Variants in RNF115 observed in about 807,000 individuals in gnomAD.
RNF115 encodes E3 ubiquitin-protein ligase RNF115.
In RNF115, 31 loss-of-function variants were observed where a neutral mutation model predicts 39.2. The ratio of observed to expected loss-of-function variants is 0.79; its 90% CI spans 0.59 to 1.07. The LOEUF (loss-of-function observed/expected upper bound fraction) is 1.07. RNF115 is among the 50% of genes least tolerant of loss of function. The probability of loss-of-function intolerance (pLI) is 0.00; values close to 1 mark genes in which losing one functional copy is unlikely to be tolerated. For synonymous variants in RNF115, 124 were observed against 131.0 expected, an observed-to-expected ratio of 0.95 and a Z score of 0.37; for missense variants, 384 against 381.7, an observed-to-expected ratio of 1.01 and a Z score of -0.05.
At chr1:145,784,688 C>T in intron 2 of RNF115, 92 bp from the exon 3 acceptor site, 1 of 1,083,644 alleles carries the variant, frequency 9.2e-7, no homozygotes, top group Admixed American at 1.9e-5. Flanking sequence ...GAGAACAAAG[C>T]CCAATAAGGA....
intron 2 of RNF115, among the ~76,000 whole-genome samples, chr1:145,787,788 C>G (rs1374418959): frequency 6.6e-6 from 1 of 151,738 alleles, no homozygotes; most frequent in Non-Finnish European, 1.5e-5. Flanking sequence ...ACTGGGCAAG[C>G]TGAGGCCCAA....
rs189542401 is a variant in RNF115 at position 145,807,536 on chromosome 1, C to T, written c.102+16236G>A. Among the ~76,000 whole-genome samples, 26 of 152,264 alleles carry T rather than the reference C, an allele frequency of 1.7e-4. 1 individual carries two copies. The East Asian group carries it at 4.4e-3, about 26-fold the overall frequency. On this transcript the variant is annotated intron_variant, in intron 1 of 8. Coordinates refer to ENST00000582693, the MANE Select transcript of RNF115 (RefSeq NM_014455.4). ...AAATTAAACATTTTTATGATTCTCA[C>T]TTATTAATATTACTTTCAACCACTT...
chr1:145,791,998 T>C (rs369774943), intron 1 of RNF115, among the ~76,000 whole-genome samples: 15 of 151,012 alleles, frequency 9.9e-5, no homozygotes, highest in African/African-American at 3.4e-4. Context: ...GTGGCACAGT[T>C]TTGGCTCACT....
chr1:145,809,345 C>G (rs933660728), intron 1 of RNF115, among the ~76,000 whole-genome samples: 3 of 151,884 alleles, frequency 2.0e-5, no homozygotes, highest in African/African-American at 7.3e-5. Flanking sequence ...TGCCACCACA[C>G]CCAGCTAATT....
chr1:145,784,613 T>A lies in RNF115; in HGVS notation c.162-17A>T, dbSNP rs1207658827. ...CCTAAAAAACTAAAGAGAAAAGGAA[T>A]GAGTGGTGATTCTATTCCCAGGAAC... is the stretch of plus-strand genomic sequence containing the variant. On this transcript the variant is annotated splice_polypyrimidine_tract_variant and intron_variant, in intron 2 of 8. Transcript: ENST00000582693. 7 of 1,611,750 alleles carry A rather than the reference T, an allele frequency of 4.3e-6. No homozygotes were observed. In the Admixed American group the frequency reaches 1.2e-4, roughly 27 times the overall value.
intron 4 of RNF115, among the ~76,000 whole-genome samples, chr1:145,770,260 A>AC (rs1647573860): frequency 6.6e-6 from 1 of 152,216 alleles, no homozygotes; most frequent in Non-Finnish European, 1.5e-5. Flanking sequence ...TATATTAGGA[A>AC]CCAAAAGCAA....
rs1375720824 is a variant in RNF115 at position 145,750,347 on chromosome 1, G to T, written c.667+60C>A. The T allele has an allele frequency of 6.0e-6, 8 of 1,328,664 alleles. No individual in the cohort carries two copies. The Middle Eastern group carries it at 5.5e-4, about 91-fold the overall frequency. The allele number at this position is 1,328,664 out of a possible 1,614,324, so 82.3% of individuals were successfully genotyped here. A position where few individuals can be genotyped will look rare whatever the true frequency, so the allele number is the denominator to read the frequency against. ...TTTTTAAACTTTTCACCTGTCAGAA[G>T]ATACCGGGATTTTGAACCGAGATCA... On this transcript the variant is annotated intron_variant, in intron 7 of 8. Transcript: ENST00000582693.
Position 145,760,120 on chromosome 1 carries a change from C to A in RNF115, c.429-7071G>T, listed in dbSNP as rs1222297109. On this transcript the variant is annotated intron_variant, in intron 4 of 8. Transcript: ENST00000582693. ...CCAACATCTGGCACACAGTAATACA[C>A]AATGTCTGCTGAATAAATTAAGAGA... 3.9e-5 allele frequency among the ~76,000 whole-genome samples: 6 copies of A among 152,148 alleles called. No homozygotes were observed. The East Asian group carries it at 1.2e-3, about 29-fold the overall frequency.
chr1:145,808,431 G>C (rs1292761115), intron 1 of RNF115, among the ~76,000 whole-genome samples: 3 of 152,072 alleles, frequency 2.0e-5, no homozygotes, highest in Non-Finnish European at 4.4e-5. Flanking sequence ...GCATTTCTCT[G>C]ATGATTAGTG....
chr1:145,746,920 A>C lies in RNF115; in HGVS notation c.861T>G (p.Ser287=). 6.2e-7 allele frequency: 1 copy of C among 1,614,144 alleles called. No individual in the cohort carries two copies. Among genetic ancestry groups the C allele is most frequent in the Non-Finnish European group, 8.5e-7 (1 of 1,180,002 alleles). ...TGTCATTGCTAAATCTGTTGCTTGC[A>C]GAGGCCTCAGTGCTCTGGCTTTGCC... ...STRQSQSTEA[S]ASNRFSNDSQ... Residue 287 remains serine, a synonymous_variant, in exon 9 of 9, where the codon TCT becomes TCG. Transcript: ENST00000582693.
At chr1:145,768,876 C>T (rs1023169024) in intron 4 of RNF115, among the ~76,000 whole-genome samples, 4 of 152,212 alleles carry the variant, frequency 2.6e-5, no homozygotes, top group African/African-American at 4.8e-5. Flanking sequence ...TCTAGGCAGG[C>T]CTGCTAGCTG....
Position 145,755,609 on chromosome 1 carries a change from C to T in RNF115, c.429-2560G>A, listed in dbSNP as rs587663491. Among the ~76,000 whole-genome samples, 16 of 152,136 alleles carry T rather than the reference C, an allele frequency of 1.1e-4. No homozygotes were observed. In the South Asian group the frequency reaches 3.1e-3, roughly 30 times the overall value. On this transcript the variant is annotated intron_variant, in intron 4 of 8. Coordinates refer to ENST00000582693, the MANE Select transcript of RNF115 (RefSeq NM_014455.4). ...ATGGCAATAGATAATATACAGATTT[C>T]GATATCTGGATACCGGTGCCGCCAC...
At position 145,771,924 on chromosome 1, in the gene RNF115, TA is replaced by T; in HGVS notation, c.220-6del. On this transcript the variant is annotated splice_polypyrimidine_tract_variant and splice_region_variant and intron_variant, in intron 3 of 8. Coordinates refer to ENST00000582693, the MANE Select transcript of RNF115 (RefSeq NM_014455.4). ...GTGATCCAAATGGCCCCAAAGCTAG[TA>T]AAGACCAGAAATAAGTCACATGTTA... is the stretch of plus-strand genomic sequence containing the variant. The T allele has an allele frequency of 6.2e-7, 1 of 1,610,598 alleles. No homozygotes were observed. Among genetic ancestry groups the T allele is most frequent in the South Asian group, 1.1e-5 (1 of 90,418 alleles).
At chr1:145,814,897 T>C (rs1553723270) in intron 1 of RNF115, among the ~76,000 whole-genome samples, 1 of 152,038 alleles carries the variant, frequency 6.6e-6, no homozygotes, top group Non-Finnish European at 1.5e-5. Context: ...ACTGTAGCCT[T>C]TTAAAGGCGT....
chr1:145,753,619 G>A (rs1382507086), intron 4 of RNF115, among the ~76,000 whole-genome samples: 2 of 152,204 alleles, frequency 1.3e-5, no homozygotes, highest in Non-Finnish European at 2.9e-5. Context: ...TTACACGAAT[G>A]AGTCTTTGTT....
chr1:145,758,862 T>C (rs925764991), intron 4 of RNF115, among the ~76,000 whole-genome samples: 5 of 152,198 alleles, frequency 3.3e-5, no homozygotes, highest in Admixed American at 6.5e-5. Flanking sequence ...CAGAGAACAA[T>C]AGTTGACAGA....
At chr1:145,779,321 T>C (rs1648020334) in intron 3 of RNF115, among the ~76,000 whole-genome samples, 1 of 151,798 alleles carries the variant, frequency 6.6e-6, no homozygotes, top group Non-Finnish European at 1.5e-5. Context: ...ACTACACACA[T>C]ATGCCACTAC....
rs1553711200 is a variant in RNF115, at chr1:145,743,410, T to A, written c.*3456A>T. On this transcript the variant is annotated 3_prime_UTR_variant, in exon 9 of 9. Coordinates refer to ENST00000582693, the MANE Select transcript of RNF115 (RefSeq NM_014455.4). ...TTCAGACTGGAACTACACCATCAGC[T>A]CTCCTGGATCTCTAGCTGGCCCACT... 1 of 152,176 alleles carries A rather than the reference T, an allele frequency of 6.6e-6. No homozygotes were observed. Among genetic ancestry groups the A allele is most frequent in the Non-Finnish European group, 1.5e-5 (1 of 68,112 alleles). 9.4% of individuals were successfully genotyped at this position (152,176 alleles called of 1,614,324 possible). A position where few individuals can be genotyped will look rare whatever the true frequency, so the allele number is the denominator to read the frequency against.
intron 5 of RNF115, 85 bp from the exon 6 acceptor site, chr1:145,751,595 T>G: frequency 2.4e-6 from 2 of 827,302 alleles, no homozygotes; most frequent in Non-Finnish European, 3.9e-6. Context: ...AGAGGGATCC[T>G]GTTCTCTCTC....
Sources: gnomAD v4.1 joint callset for allele counts (sites outside exome capture counted in the v4.1 genomes callset) on GRCh38, gnomAD v4.1.1 for gene constraint, MANE v1.5 for transcripts, NCBI Gene and HGNC (gene_info 2026-07-23, HGNC 2026-07-21) for gene names.